Variants in SH3RF3 observed in about 807,000 individuals in gnomAD.
SH3RF3 encodes SH3 domain containing ring finger 3.
SH3RF3 carries 29 observed loss-of-function variants against 66.3 expected under a neutral mutation model. That is an observed-to-expected ratio of 0.44 (90% CI 0.33 to 0.60). The LOEUF (loss-of-function observed/expected upper bound fraction) is 0.60. Among genes scored for constraint, SH3RF3 ranks in the 20% least tolerant of loss-of-function variants. SH3RF3 has a pLI of 0.04. For synonymous variants in SH3RF3, 583 were observed against 532.0 expected (o/e 1.10, Z -1.32); for missense variants, 1,194 against 1,190.9 (o/e 1.00, Z -0.04).
chr2:109,298,427 G>A (rs1024730141), intron 1 of SH3RF3, among the ~76,000 whole-genome samples: 2 of 152,152 alleles, frequency 1.3e-5, no homozygotes, highest in Admixed American at 1.3e-4. Flanking sequence ...ATGGTCTGTG[G>A]GTCATTGAAG....
chr2:109,492,545 CTA>C (rs997924917), intron 9 of SH3RF3, among the ~76,000 whole-genome samples: 4 of 152,206 alleles, frequency 2.6e-5, no homozygotes, highest in African/African-American at 9.7e-5. Flanking sequence ...GCCCTGCCTT[CTA>C]TGTTTCCCCA....
chr2:109,336,429 G>GCTGCCACCAATAAGTTT (rs1165297187), intron 1 of SH3RF3, among the ~76,000 whole-genome samples: 1 of 152,214 alleles, frequency 6.6e-6, no homozygotes, highest in Non-Finnish European at 1.5e-5. Context: ...TGGAAGGGAA[G>GCTGCCACCAATAAGTTT]CTGCCACCAA....
chr2:109,409,903 G>A (rs1407217793), intron 4 of SH3RF3, among the ~76,000 whole-genome samples: 1 of 152,142 alleles, frequency 6.6e-6, no homozygotes, highest in Non-Finnish European at 1.5e-5. Flanking sequence ...GCTCCTTGGG[G>A]TGATGACAGT....
At chr2:109,443,057 A>G (rs569577599) in intron 7 of SH3RF3, among the ~76,000 whole-genome samples, 32 of 152,396 alleles carry the variant, frequency 2.1e-4, no homozygotes, top group African/African-American at 7.5e-4. Flanking sequence ...CATGGTAGTT[A>G]CATTCTATGA....
At chr2:109,243,217 G>C (rs1679830779) in intron 1 of SH3RF3, among the ~76,000 whole-genome samples, 1 of 152,234 alleles carries the variant, frequency 6.6e-6, no homozygotes, top group South Asian at 2.1e-4. Flanking sequence ...GAGGTCTGCA[G>C]ATCCCCTGCC....
chr2:109,352,290 G>A (rs1467469179), intron 2 of SH3RF3, among the ~76,000 whole-genome samples: 1 of 152,180 alleles, frequency 6.6e-6, no homozygotes, highest in African/African-American at 2.4e-5. Context: ...AATACTCGCA[G>A]GAAAGTAAGC....
chr2:109,238,106 A>G (rs1679689637), intron 1 of SH3RF3, among the ~76,000 whole-genome samples: 1 of 152,202 alleles, frequency 6.6e-6, no homozygotes, highest in Non-Finnish European at 1.5e-5. Flanking sequence ...GAGCTGAGGC[A>G]GGAGCATTTC....
At chr2:109,486,730 G>A (rs908570192) in intron 8 of SH3RF3, among the ~76,000 whole-genome samples, 2 of 151,780 alleles carry the variant, frequency 1.3e-5, no homozygotes, top group Admixed American at 1.3e-4. Context: ...GTTAGAGGAA[G>A]GGGAGGGGGA....
At chr2:109,291,649 GA>G (rs1681186006) in intron 1 of SH3RF3, among the ~76,000 whole-genome samples, 1 of 152,208 alleles carries the variant, frequency 6.6e-6, no homozygotes, top group African/African-American at 2.4e-5. Context: ...TGGAAGACTG[GA>G]TATTGTTCCA....
chr2:109,332,203 A>C (rs1574578623), intron 1 of SH3RF3, among the ~76,000 whole-genome samples: 1 of 152,146 alleles, frequency 6.6e-6, no homozygotes, highest in East Asian at 1.9e-4. Flanking sequence ...AAGCTGCCTC[A>C]TGGGACCCCT....
intron 1 of SH3RF3, among the ~76,000 whole-genome samples, chr2:109,234,962 G>A (rs1304056275): frequency 6.6e-6 from 1 of 152,198 alleles, no homozygotes; most frequent in African/African-American, 2.4e-5. Flanking sequence ...CTCAGCACCT[G>A]TTGTCACCAG....
chr2:109,176,098 T>C (rs572397009), intron 1 of SH3RF3, among the ~76,000 whole-genome samples: 34 of 152,222 alleles, frequency 2.2e-4, no homozygotes, highest in Non-Finnish European at 4.0e-4. Context: ...AGCCTCATTC[T>C]GTCCACCTGC....
Position 109,347,657 on chromosome 2 carries a change from C to T in SH3RF3, c.574-17C>T, listed in dbSNP as rs146870674. On this transcript the variant is annotated splice_polypyrimidine_tract_variant and intron_variant, in intron 1 of 9. Transcript: ENST00000309415. ...AAGGGGCATGCCCGGTGACCACATG[C>T]TGTCTGTTGCTTGCAGAATCCCTGC... 7 of 1,611,138 alleles carry T rather than the reference C, an allele frequency of 4.3e-6. No homozygotes were observed. The highest frequency in any genetic ancestry group is 2.7e-5 in the African/African-American group (2 of 75,030).
intron 1 of SH3RF3, among the ~76,000 whole-genome samples, chr2:109,215,180 T>C (rs994290266): frequency 2.0e-5 from 3 of 152,216 alleles, no homozygotes; most frequent in Non-Finnish European, 4.4e-5. Flanking sequence ...ATTGCTCAAT[T>C]ATGGAATAAG....
chr2:109,361,105 C>T (rs544902507), intron 2 of SH3RF3, among the ~76,000 whole-genome samples: 42 of 152,224 alleles, frequency 2.8e-4, no homozygotes, highest in African/African-American at 9.4e-4. Context: ...CTTCTTTAGC[C>T]TGTGGATATG....
chr2:109,240,929 C>T (rs1391621555), intron 1 of SH3RF3, among the ~76,000 whole-genome samples: 1 of 139,548 alleles, frequency 7.2e-6, no homozygotes, highest in Non-Finnish European at 1.5e-5. Flanking sequence ...TTCTCATGTT[C>T]CATCTTCTTT....
At chr2:109,151,180 A>G (rs1677218201) in intron 1 of SH3RF3, among the ~76,000 whole-genome samples, 1 of 152,200 alleles carries the variant, frequency 6.6e-6, no homozygotes, top group Non-Finnish European at 1.5e-5. Context: ...TGCAATGAAT[A>G]TATTGAAAAT....
At chr2:109,203,780 A>C (rs1419021807) in intron 1 of SH3RF3, among the ~76,000 whole-genome samples, 1 of 151,968 alleles carries the variant, frequency 6.6e-6, no homozygotes, top group Non-Finnish European at 1.5e-5. Context: ...CCCTCGGTCC[A>C]TCCATTCCTG....
chr2:109,403,252 C>T (rs180859785), intron 4 of SH3RF3, among the ~76,000 whole-genome samples: 1 of 152,328 alleles, frequency 6.6e-6, no homozygotes, highest in African/African-American at 2.4e-5. Context: ...CTCCCCGCAG[C>T]TGTTAGGGGT....
Sources: allele counts gnomAD v4.1 joint callset (sites outside exome capture counted in the v4.1 genomes callset), GRCh38; gene constraint gnomAD v4.1.1; transcripts MANE v1.5; gene names NCBI Gene and HGNC (gene_info 2026-07-23, HGNC 2026-07-21).